TAS2R1: variants seen among roughly 807,000 people sequenced by gnomAD.
TAS2R1 encodes taste 2 receptor member 1, also known as taste receptor type 2 member 1.
For missense variants in TAS2R1, 370 were observed against 353.4 expected, an observed-to-expected ratio of 1.05 and a Z score of -0.38; for synonymous variants, 141 against 134.2, an observed-to-expected ratio of 1.05 and a Z score of -0.35.
At chr5:9,686,302 T>A (rs1561378667) in intron 1 of TAS2R1, among the ~76,000 whole-genome samples, 1 of 152,190 alleles carries the variant, frequency 6.6e-6, no homozygotes, top group Non-Finnish European at 1.5e-5. Flanking sequence ...AAGACAAAGC[T>A]CTTGCCATTG....
chr5:9,858,163 C>T, the TAS2R1 span, among the ~76,000 whole-genome samples: 4 of 152,136 alleles, frequency 2.6e-5, no homozygotes, highest in African/African-American at 4.8e-5. Context: ...CAGTCTGGAT[C>T]CTGGGGCTGA....
intron 1 of TAS2R1, among the ~76,000 whole-genome samples, chr5:9,696,396 C>T (rs1259254054): frequency 6.6e-6 from 1 of 151,852 alleles, no homozygotes; most frequent in Non-Finnish European, 1.5e-5. Context: ...CCTATCTCTA[C>T]TAAAAATACA....
intron 2 of TAS2R1, among the ~76,000 whole-genome samples, chr5:9,640,206 G>C (rs942794687): frequency 2.0e-5 from 3 of 151,956 alleles, no homozygotes; most frequent in African/African-American, 7.3e-5. Flanking sequence ...CAAGGAGAAG[G>C]AGTGCAATGG....
the TAS2R1 span, chr5:9,760,834 A>C: frequency 6.6e-6 from 1 of 152,214 alleles, no homozygotes; most frequent in Admixed American, 6.5e-5. Flanking sequence ...TCTACAAAAC[A>C]TTCTAGAAAT....
the TAS2R1 span, among the ~76,000 whole-genome samples, chr5:9,747,821 T>TG: frequency 2.6e-5 from 4 of 152,046 alleles, no homozygotes; most frequent in Non-Finnish European, 4.4e-5. Context: ...ACTTTTTTTT[T>TG]TTTTTGAAAA....
chr5:9,878,872 G>A, the TAS2R1 span, among the ~76,000 whole-genome samples: 1 of 152,230 alleles, frequency 6.6e-6, no homozygotes, highest in Non-Finnish European at 1.5e-5. Context: ...TCCTGAGTGA[G>A]TGCTGGCCAC....
At chr5:9,700,152 T>C (rs977790887) in intron 1 of TAS2R1, among the ~76,000 whole-genome samples, 1 of 152,170 alleles carries the variant, frequency 6.6e-6, no homozygotes, top group African/African-American at 2.4e-5. Context: ...CATTTCCTCA[T>C]CCATTCCACC....
intron 1 of TAS2R1, among the ~76,000 whole-genome samples, chr5:9,675,419 CT>C (rs35909213): frequency 2.3e-3 from 313 of 135,756 alleles, no homozygotes; most frequent in Middle Eastern, 3.9e-3. Context: ...TTTTCTTTTT[CT>C]TTTTTTTTTT....
At chr5:9,757,110 A>C in the TAS2R1 span, among the ~76,000 whole-genome samples, 1 of 152,206 alleles carries the variant, frequency 6.6e-6, no homozygotes, top group South Asian at 2.1e-4. Flanking sequence ...CATCAAACCA[A>C]GGAAATAAAC....
At chr5:9,632,726 T>C (rs1739892134), upstream of TAS2R1, among the ~76,000 whole-genome samples, 1 of 152,194 alleles carries the variant, frequency 6.6e-6, no homozygotes, top group African/African-American at 2.4e-5. Flanking sequence ...CATCATAAGA[T>C]GACAGCAATT....
chr5:9,669,506 A>G (rs1740708714), intron 1 of TAS2R1, among the ~76,000 whole-genome samples: 1 of 152,018 alleles, frequency 6.6e-6, no homozygotes, highest in South Asian at 2.1e-4. Flanking sequence ...CAACCACACA[A>G]TGGCCATAAA....
chr5:9,794,441 C>T, the TAS2R1 span, among the ~76,000 whole-genome samples: 9 of 152,134 alleles, frequency 5.9e-5, 1 homozygote, highest in Admixed American at 2.6e-4. Flanking sequence ...TCAGTTTACA[C>T]GTTTGAGTGC....
In TAS2R1 at chr5:9,686,315, A is replaced by C. The variant is rs375599228; in HGVS notation, c.-242+25857T>G. 1.1e-4 allele frequency among the ~76,000 whole-genome samples: 16 copies of C among 152,292 alleles called. No homozygotes were observed. In the East Asian group the frequency reaches 2.5e-3, roughly 24 times the overall value. ...ACAAGACAAAGCTCTTGCCATTGGGAAAATACAACCTAAACAAAATTATTA... is the reference window on the plus strand; with the variant it reads ...ACAAGACAAAGCTCTTGCCATTGGGCAAATACAACCTAAACAAAATTATTA... On this transcript the variant is annotated intron_variant, in intron 1 of 2. Transcript: ENST00000506620.
At chr5:9,651,120 T>G (rs763263656) in intron 2 of TAS2R1, among the ~76,000 whole-genome samples, 2 of 152,166 alleles carry the variant, frequency 1.3e-5, no homozygotes, top group South Asian at 4.1e-4. Flanking sequence ...GACTGTGCTG[T>G]GGTGTGGAGA....
At chr5:9,902,947 T>A in the TAS2R1 span, among the ~76,000 whole-genome samples, 6 of 151,358 alleles carry the variant, frequency 4.0e-5, no homozygotes, top group East Asian at 1.9e-4. Flanking sequence ...AATTCTTTTT[T>A]AAAAAAAAAT....
chr5:9,772,374 A>C, the TAS2R1 span, among the ~76,000 whole-genome samples: 1 of 152,040 alleles, frequency 6.6e-6, no homozygotes, highest in African/African-American at 2.4e-5. Flanking sequence ...AAGATGCTTG[A>C]TATCATTTCA....
chr5:9,755,868 A>G, the TAS2R1 span, among the ~76,000 whole-genome samples: 2 of 152,176 alleles, frequency 1.3e-5, no homozygotes, highest in African/African-American at 2.4e-5. Context: ...CAGTGAGGAC[A>G]GTCAGAGGTG....
At chr5:9,769,163 G>T in the TAS2R1 span, among the ~76,000 whole-genome samples, 2 of 152,062 alleles carry the variant, frequency 1.3e-5, no homozygotes, top group African/African-American at 2.4e-5. Context: ...AAATAAGTGA[G>T]AACTTATTTG....
the TAS2R1 span, among the ~76,000 whole-genome samples, chr5:9,890,146 A>C: frequency 6.6e-6 from 1 of 152,198 alleles, no homozygotes; most frequent in African/African-American, 2.4e-5. Flanking sequence ...GAAATCCCAC[A>C]GTTTTCATGA....
Sources: gnomAD v4.1 joint callset for allele counts (sites outside exome capture counted in the v4.1 genomes callset) on GRCh38, gnomAD v4.1.1 for gene constraint, MANE v1.5 for transcripts, NCBI Gene and HGNC (gene_info 2026-07-23, HGNC 2026-07-21) for gene names.